Variants in IGF1R observed in about 807,000 individuals in gnomAD.
IGF1R encodes the protein insulin like growth factor 1 receptor.
A neutral mutation model predicts 144.6 loss-of-function variants in IGF1R; 44 were observed. The ratio of observed to expected loss-of-function variants is 0.30; its 90% CI spans 0.24 to 0.39. IGF1R has a LOEUF of 0.39. Ranked by LOEUF, IGF1R falls within the 10% of genes least tolerant of loss-of-function variation. IGF1R has a pLI of 1.00. For synonymous variants in IGF1R, 795 were observed against 722.8 expected, an observed-to-expected ratio of 1.10 and a Z score of -1.60; for missense variants, 1,355 against 1,833.7, an observed-to-expected ratio of 0.74 and a Z score of 4.77.
At chr15:98,873,964 A>T (rs1025759560) in intron 2 of IGF1R, 1 of 152,196 alleles carries the variant, frequency 6.6e-6, no homozygotes, top group Non-Finnish European at 1.5e-5. Flanking sequence ...ACTGCTGCCT[A>T]CCACACCTCG....
chr15:98,803,158 C>T (rs756833868), intron 2 of IGF1R, among the ~76,000 whole-genome samples: 3 of 152,160 alleles, frequency 2.0e-5, no homozygotes, highest in Non-Finnish European at 4.4e-5. Context: ...CATCATACAG[C>T]GTACTTTCAC....
At chr15:98,872,172 G>A (rs972201326) in intron 2 of IGF1R, among the ~76,000 whole-genome samples, 19 of 152,206 alleles carry the variant, frequency 1.2e-4, no homozygotes, top group African/African-American at 4.3e-4. Flanking sequence ...TCGAGCGAAT[G>A]GATTGAAGAA....
chr15:98,901,142 C>T (rs2014461491), intron 5 of IGF1R, among the ~76,000 whole-genome samples: 1 of 152,174 alleles, frequency 6.6e-6, no homozygotes, highest in Non-Finnish European at 1.5e-5. Flanking sequence ...AAACCTGAAG[C>T]ATCAGCAAAA....
At chr15:98,656,944 TACC>T (rs1469393919) in intron 1 of IGF1R, among the ~76,000 whole-genome samples, 3 of 152,370 alleles carry the variant, frequency 2.0e-5, no homozygotes, top group East Asian at 3.8e-4. Flanking sequence ...TAAAAATAAA[TACC>T]ACTTTAAAAA....
intron 1 of IGF1R, among the ~76,000 whole-genome samples, chr15:98,670,644 C>A (rs910372130): frequency 1.3e-5 from 2 of 152,172 alleles, no homozygotes; most frequent in Non-Finnish European, 2.9e-5. Context: ...AGACTGGTCC[C>A]AGGGGTTCTT....
chr15:98,899,429 C>T (rs760534816), intron 4 of IGF1R, 48 bp from the exon 5 acceptor site: 2 of 1,595,366 alleles, frequency 1.3e-6, no homozygotes, highest in Admixed American at 1.7e-5. Context: ...AAGTATGTCA[C>T]CCTTACACCA....
At chr15:98,651,866 C>G (rs1248450213) in intron 1 of IGF1R, among the ~76,000 whole-genome samples, 3 of 151,580 alleles carry the variant, frequency 2.0e-5, no homozygotes, top group African/African-American at 7.3e-5. Context: ...AGTACCTGCC[C>G]CTCCCTCCAT....
In IGF1R at chr15:98,707,337, G is replaced by A. The variant is rs562049304; in HGVS notation, c.95-225G>A. ...GGCCTCTCCCATGGTCGGTTGGAGT[G>A]TGTTGCACAGCGTCTGGTCCAGTGT... On this transcript the variant is annotated intron_variant, in intron 1 of 20. Coordinates refer to ENST00000650285, the MANE Select transcript of IGF1R (RefSeq NM_000875.5). The surrounding 1 kb of genome is among the most constrained non-coding windows in gnomAD (Gnocchi z 6.7). Among the ~76,000 whole-genome samples, 1 of 152,180 alleles carries A rather than the reference G, an allele frequency of 6.6e-6. No homozygotes were observed. The highest frequency in any genetic ancestry group is 1.5e-5 in the Non-Finnish European group (1 of 68,018).
At chr15:98,742,687 T>C (rs1206897469) in intron 2 of IGF1R, among the ~76,000 whole-genome samples, 1 of 152,222 alleles carries the variant, frequency 6.6e-6, no homozygotes, top group African/African-American at 2.4e-5. Context: ...TACTGATCAT[T>C]TTGGACTGTT....
intron 2 of IGF1R, among the ~76,000 whole-genome samples, chr15:98,726,521 C>T (rs773690390): frequency 1.3e-5 from 2 of 152,112 alleles, no homozygotes; most frequent in Non-Finnish European, 2.9e-5. Flanking sequence ...CCCTCCCTTC[C>T]TACCACCTTT....
intron 2 of IGF1R, among the ~76,000 whole-genome samples, chr15:98,858,276 G>A (rs2011946422): frequency 6.6e-6 from 1 of 152,166 alleles, no homozygotes; most frequent in Non-Finnish European, 1.5e-5. Flanking sequence ...TGGTTCATTT[G>A]TAGTTTCCCC....
chr15:98,842,670 C>T (rs1022353532), intron 2 of IGF1R, among the ~76,000 whole-genome samples: 1 of 152,152 alleles, frequency 6.6e-6, no homozygotes, highest in Non-Finnish European at 1.5e-5. Context: ...TGTCTTTTGG[C>T]AAAGAAAGAC....
At chr15:98,776,276 C>T (rs1267938460) in intron 2 of IGF1R, among the ~76,000 whole-genome samples, 2 of 151,848 alleles carry the variant, frequency 1.3e-5, no homozygotes, top group Non-Finnish European at 2.9e-5. Context: ...CCTCCGCCTC[C>T]CGGGTTCCAG....
intron 2 of IGF1R, among the ~76,000 whole-genome samples, chr15:98,756,086 G>A (rs915736721): frequency 2.0e-5 from 3 of 152,040 alleles, no homozygotes; most frequent in African/African-American, 7.2e-5. Context: ...TTTAAAAATT[G>A]TGACTGTAGC....
intron 2 of IGF1R, among the ~76,000 whole-genome samples, chr15:98,870,351 TATC>T (rs1285457200): frequency 1.3e-5 from 2 of 152,206 alleles, no homozygotes; most frequent in Non-Finnish European, 2.9e-5. Context: ...GGAAGGATGT[TATC>T]ATAAAATGAT....
At chr15:98,862,334 G>T (rs1596370088) in intron 2 of IGF1R, among the ~76,000 whole-genome samples, 1 of 152,246 alleles carries the variant, frequency 6.6e-6, no homozygotes, top group East Asian at 1.9e-4. Flanking sequence ...TTTCTGTCGT[G>T]CATTTTGTTG....
At chr15:98,692,746 A>C (rs989414394) in intron 1 of IGF1R, among the ~76,000 whole-genome samples, 1 of 152,198 alleles carries the variant, frequency 6.6e-6, no homozygotes, top group Non-Finnish European at 1.5e-5. Context: ...GTCCTTGGTC[A>C]TATGCCCCAG....
chr15:98,787,574 G>A (rs1195274085), intron 2 of IGF1R, among the ~76,000 whole-genome samples: 4 of 152,082 alleles, frequency 2.6e-5, no homozygotes, highest in Non-Finnish European at 5.9e-5. Flanking sequence ...CCTTAAAACA[G>A]AGACCTCTCA....
chr15:98,939,183 T>G lies in IGF1R; in HGVS notation c.3298-18T>G. ...AAAATCCAAAATTCTCATGTGAATTTTTTTAAATCTCCAACAGAATAATCC... is the reference window on the plus strand; with the variant it reads ...AAAATCCAAAATTCTCATGTGAATTGTTTTAAATCTCCAACAGAATAATCC... On this transcript the variant is annotated intron_variant, in intron 17 of 20. Coordinates refer to ENST00000650285, the MANE Select transcript of IGF1R (RefSeq NM_000875.5). 1 of 1,612,390 alleles carries G rather than the reference T, an allele frequency of 6.2e-7. No individual in the cohort carries two copies. The highest frequency in any genetic ancestry group is 1.7e-4 in the Middle Eastern group (1 of 6,060).
Sources: gnomAD v4.1 joint callset for allele counts (sites outside exome capture counted in the v4.1 genomes callset) on GRCh38, gnomAD v4.1.1 for gene constraint, Gnocchi (gnomAD v3.1) non-coding constraint, MANE v1.5 for transcripts, NCBI Gene and HGNC (gene_info 2026-07-23, HGNC 2026-07-21) for gene names.